The following RAB20 variants were observed in gnomAD, a reference collection of about 807,000 sequenced individuals.
RAB20 encodes the protein ras-related protein Rab-20.
In RAB20, 2 loss-of-function variants were observed where a neutral mutation model predicts 3.7. The observed-to-expected ratio is 0.54, with a 90% CI of 0.22 to 1.69. The LOEUF is 1.69. Among genes scored for constraint, RAB20 ranks in the 40% most tolerant of loss-of-function variants. RAB20 has a pLI of 0.19. For missense variants in RAB20, 276 were observed against 311.9 expected (o/e 0.88, Z 0.87); for synonymous variants, 126 against 130.8 (o/e 0.96, Z 0.25).
intron 1 of RAB20, among the ~76,000 whole-genome samples, chr13:110,534,108 C>T (rs1282372208): frequency 6.6e-6 from 1 of 152,198 alleles, no homozygotes; most frequent in African/African-American, 2.4e-5. Flanking sequence ...TAGGTGGGAT[C>T]AGCATTTACA....
intron 1 of RAB20, among the ~76,000 whole-genome samples, chr13:110,545,682 G>C (rs930240356): frequency 3.3e-5 from 5 of 152,142 alleles, no homozygotes; most frequent in African/African-American, 9.7e-5. Flanking sequence ...CAGAGCTTGG[G>C]CAAGTCTAGA....
chr13:110,550,948 AC>A (rs1884942185), intron 1 of RAB20, among the ~76,000 whole-genome samples: 1 of 152,168 alleles, frequency 6.6e-6, no homozygotes, highest in Non-Finnish European at 1.5e-5. Flanking sequence ...GTTCCCTACC[AC>A]GCACACAATG....
chr13:110,529,583 A>C (rs936642979), intron 1 of RAB20, among the ~76,000 whole-genome samples: 18 of 152,194 alleles, frequency 1.2e-4, no homozygotes, highest in Non-Finnish European at 2.1e-4. Flanking sequence ...CAAAAGAGAA[A>C]AATCACAAAT....
intron 1 of RAB20, among the ~76,000 whole-genome samples, chr13:110,551,071 C>T (rs557162341): frequency 6.6e-6 from 1 of 152,258 alleles, no homozygotes; most frequent in African/African-American, 2.4e-5. Context: ...GTGAATTTTC[C>T]CCACTGCTTT....
chr13:110,527,041 C>T (rs190318094), intron 1 of RAB20, among the ~76,000 whole-genome samples: 34 of 152,188 alleles, frequency 2.2e-4, no homozygotes, highest in Non-Finnish European at 4.0e-4. Context: ...ATGGACTGAA[C>T]GCATGACACC....
chr13:110,554,964 A>G (rs73621302), intron 1 of RAB20, among the ~76,000 whole-genome samples: 3,148 of 143,954 alleles, frequency 0.022, 112 homozygotes, highest in African/African-American at 0.077. Flanking sequence ...GGGCAGGAAG[A>G]CCAAGCTGTG....
intron 1 of RAB20, among the ~76,000 whole-genome samples, chr13:110,540,150 C>G (rs1174617234): frequency 1.3e-5 from 2 of 152,212 alleles, no homozygotes; most frequent in Admixed American, 1.3e-4. Context: ...CTTTAACACT[C>G]CGATATTAAC....
chr13:110,529,237 C>A (rs1004539091), intron 1 of RAB20, among the ~76,000 whole-genome samples: 2 of 152,236 alleles, frequency 1.3e-5, no homozygotes, highest in Non-Finnish European at 2.9e-5. Context: ...AGGACCCTCA[C>A]GCGTTTTCTG....
At chr13:110,530,818 C>G (rs1884525472) in intron 1 of RAB20, among the ~76,000 whole-genome samples, 1 of 152,194 alleles carries the variant, frequency 6.6e-6, no homozygotes, top group Admixed American at 6.5e-5. Context: ...AGACACAGGG[C>G]CCTCAGGAGG....
intron 1 of RAB20, among the ~76,000 whole-genome samples, chr13:110,538,597 CAAA>C (rs67409356): frequency 5.7e-5 from 4 of 70,722 alleles, no homozygotes; most frequent in African/African-American, 2.4e-4. Context: ...GATCTTCTCT[CAAA>C]AAAAAAAAAA....
At position 110,545,008 on chromosome 13, in the gene RAB20, C is replaced by T. The variant is rs557272216; in HGVS notation, c.172+16340G>A. The stretch of plus-strand genomic sequence containing the variant: ...AGGGGTTTCTGCCTTTTGCCTCTTC[C>T]TCATTTTCTCTTGCCGCCACCATGT... On this transcript the variant is annotated intron_variant, in intron 1 of 1. Transcript: ENST00000267328. 2.6e-5 allele frequency among the ~76,000 whole-genome samples: 4 copies of T among 152,276 alleles called. No homozygotes were observed. The South Asian group carries it at 8.3e-4, about 32-fold the overall frequency.
At chr13:110,552,684 C>T (rs1258368879) in intron 1 of RAB20, among the ~76,000 whole-genome samples, 1 of 144,288 alleles carries the variant, frequency 6.9e-6, no homozygotes, top group African/African-American at 2.6e-5. Flanking sequence ...CAGAGTGAGA[C>T]TCCATCTCAA....
chr13:110,535,609 G>A (rs1031049938), intron 1 of RAB20, among the ~76,000 whole-genome samples: 1 of 152,196 alleles, frequency 6.6e-6, no homozygotes, highest in African/African-American at 2.4e-5. Context: ...CCTGCTCTGA[G>A]TGCCTCACAG....
intron 1 of RAB20, among the ~76,000 whole-genome samples, chr13:110,543,624 G>A (rs1884802822): frequency 6.6e-6 from 1 of 152,026 alleles, no homozygotes; most frequent in South Asian, 2.1e-4. Flanking sequence ...AATCCCATTT[G>A]TCTATTTTTG....
intron 1 of RAB20, among the ~76,000 whole-genome samples, chr13:110,526,242 C>T (rs1884428834): frequency 6.6e-6 from 1 of 152,224 alleles, no homozygotes; most frequent in Admixed American, 6.5e-5. Flanking sequence ...GGTCAAGTGC[C>T]TCTGAACAAG....
rs537550587 is a variant in RAB20, at chr13:110,536,052, T to C, written c.173-11855A>G. On this transcript the variant is annotated intron_variant, in intron 1 of 1. Transcript: ENST00000267328. ...GACCCTTAATCACATCTAACTGGTGTCCTTATTAGAGAAGACACCCGGAGA... is the reference window on the plus strand; with the variant it reads ...GACCCTTAATCACATCTAACTGGTGCCCTTATTAGAGAAGACACCCGGAGA... Among the ~76,000 whole-genome samples the C allele has an allele frequency of 3.9e-5, 6 of 152,152 alleles. No homozygotes were observed. In the South Asian group the frequency reaches 8.3e-4, roughly 21 times the overall value.
chr13:110,548,683 T>C (rs1013770890), intron 1 of RAB20, among the ~76,000 whole-genome samples: 3 of 151,932 alleles, frequency 2.0e-5, no homozygotes, highest in African/African-American at 2.4e-5. Context: ...GGCTCCATCG[T>C]AGCCTCTTAA....
At chr13:110,558,381 T>C (rs1400217777) in intron 1 of RAB20, among the ~76,000 whole-genome samples, 2 of 9,058 alleles carry the variant, frequency 2.2e-4, no homozygotes, top group African/African-American at 3.7e-4. Context: ...GTCTTCCCAC[T>C]TTTTTTTTTT....
chr13:110,540,089 T>C (rs1046872937), intron 1 of RAB20, among the ~76,000 whole-genome samples: 1 of 152,218 alleles, frequency 6.6e-6, no homozygotes, highest in Middle Eastern at 3.2e-3. Context: ...TCTTCAGACA[T>C]GAATGTACTA....
Sources: allele counts gnomAD v4.1 joint callset (sites outside exome capture counted in the v4.1 genomes callset), GRCh38; gene constraint gnomAD v4.1.1; transcripts MANE v1.5; gene names NCBI Gene and HGNC (gene_info 2026-07-23, HGNC 2026-07-21).